The following DPYD variants were observed in gnomAD, a reference collection of about 807,000 sequenced individuals.
DPYD encodes dihydropyrimidine dehydrogenase [NADP(+)].
Under a neutral mutation model 116.2 loss-of-function variants are expected in DPYD, and 109 were observed. That is an observed-to-expected ratio of 0.94 (90% CI 0.80 to 1.10). The LOEUF is 1.10. Among genes scored for constraint, DPYD ranks in the 50% least tolerant of loss-of-function variants. The pLI is 0.00. For missense variants in DPYD, 1,302 were observed against 1,254.5 expected (o/e 1.04, Z -0.57); for synonymous variants, 440 against 432.0 (o/e 1.02, Z -0.23).
intron 18 of DPYD, among the ~76,000 whole-genome samples, chr1:97,288,818 G>T (rs146785664): frequency 0.36 from 53,953 of 150,538 alleles, 9,889 homozygotes; most frequent in East Asian, 0.45. Flanking sequence ...CTAGCAGAAG[G>T]CAAGAAATAA....
At chr1:97,869,627 T>TA (rs1181609325) in intron 2 of DPYD, among the ~76,000 whole-genome samples, 5 of 151,768 alleles carry the variant, frequency 3.3e-5, no homozygotes, top group African/African-American at 1.2e-4. Flanking sequence ...AACAATCCTT[T>TA]ATCACTGGAT....
intron 3 of DPYD, among the ~76,000 whole-genome samples, chr1:97,749,808 C>T (rs186940305): frequency 6.6e-6 from 1 of 152,170 alleles, no homozygotes; most frequent in East Asian, 1.9e-4. Context: ...ATATTCTAGA[C>T]AGCTGTTACA....
Position 97,416,531 on chromosome 1 carries a change from C to T in DPYD, c.1905+33528G>A, listed in dbSNP as rs1674300432. Among the ~76,000 whole-genome samples, 8 of 152,304 alleles carry T rather than the reference C, an allele frequency of 5.3e-5. No individual in the cohort carries two copies. The South Asian group carries it at 1.5e-3, about 28-fold the overall frequency. Reference sequence around the variant, plus strand: ...TAGTTCCAAGGTATACAGTGACATGCTTCCATCAGAAATGGATCCTAGAAT... The same window carrying T: ...TAGTTCCAAGGTATACAGTGACATGTTTCCATCAGAAATGGATCCTAGAAT... On this transcript the variant is annotated intron_variant, in intron 14 of 22. Transcript: ENST00000370192.
intron 13 of DPYD, among the ~76,000 whole-genome samples, chr1:97,469,041 G>C (rs950542445): frequency 6.6e-6 from 1 of 152,084 alleles, no homozygotes; most frequent in African/African-American, 2.4e-5. Context: ...ATCAGAGCTG[G>C]CTCTGTGATC....
chr1:97,483,636 T>C (rs1286463664), intron 13 of DPYD, among the ~76,000 whole-genome samples: 5 of 152,090 alleles, frequency 3.3e-5, no homozygotes, highest in Non-Finnish European at 5.9e-5. Context: ...CCTGCACATA[T>C]ATTCTGGACC....
intron 4 of DPYD, among the ~76,000 whole-genome samples, chr1:97,731,485 C>T (rs78686397): frequency 2.0e-5 from 3 of 151,996 alleles, no homozygotes; most frequent in Admixed American, 6.5e-5. Context: ...ACATTCAAGA[C>T]GTTAATAGCA....
chr1:97,594,986 T>C, intron 9 of DPYD, 73 bp downstream of exon 9: 1 of 1,247,664 alleles, frequency 8.0e-7, no homozygotes, highest in Non-Finnish European at 1.2e-6. Context: ...GCTGCTGAGC[T>C]TGATTTTGAT....
chr1:97,552,953 T>C (rs1462612014), intron 11 of DPYD, among the ~76,000 whole-genome samples: 2 of 152,004 alleles, frequency 1.3e-5, no homozygotes, highest in African/African-American at 2.4e-5. Flanking sequence ...CATCTGTATA[T>C]ATTTTAATAC....
chr1:97,478,320 A>T (rs1678102111), intron 13 of DPYD, among the ~76,000 whole-genome samples: 1 of 151,772 alleles, frequency 6.6e-6, no homozygotes, highest in Admixed American at 6.6e-5. Flanking sequence ...ATGGAGTCTT[A>T]CTCTGTTGCC....
chr1:97,857,237 G>A (rs1245236840), intron 2 of DPYD, among the ~76,000 whole-genome samples: 1 of 152,050 alleles, frequency 6.6e-6, no homozygotes, highest in Non-Finnish European at 1.5e-5. Context: ...CCTAAACATA[G>A]AAGTGAGTCA....
At chr1:97,101,098 C>CAAA (rs561009165) in intron 20 of DPYD, among the ~76,000 whole-genome samples, 1 of 143,756 alleles carries the variant, frequency 7.0e-6, no homozygotes, top group African/African-American at 2.5e-5. Flanking sequence ...TAATTGAAAG[C>CAAA]AAAAAAAAAA....
Position 97,078,784 on chromosome 1 carries a change from G to C in DPYD, c.*192C>G. ...TCAGAAAAGAATTATTCTATTTTAT[G>C]ACCACTAATTGAATGGTCATTGACA... On this transcript the variant is annotated 3_prime_UTR_variant, in exon 23 of 23. Coordinates refer to ENST00000370192, the MANE Select transcript of DPYD (RefSeq NM_000110.4). 3.2e-6 allele frequency: 2 copies of C among 625,604 alleles called. No individual in the cohort carries two copies. Among genetic ancestry groups the C allele is most frequent in the East Asian group, 5.9e-5 (2 of 34,092 alleles). 38.8% of individuals were successfully genotyped at this position (625,604 alleles called of 1,614,324 possible).
intron 20 of DPYD, among the ~76,000 whole-genome samples, chr1:97,184,968 A>G (rs1210337077): frequency 1.3e-5 from 2 of 152,156 alleles, no homozygotes; most frequent in African/African-American, 4.8e-5. Context: ...TCTTGATCTT[A>G]AGAGAAAATA....
At chr1:97,862,623 G>GTGCACAC (rs1396702237) in intron 2 of DPYD, among the ~76,000 whole-genome samples, 1 of 151,810 alleles carries the variant, frequency 6.6e-6, no homozygotes, top group Non-Finnish European at 1.5e-5. Flanking sequence ...TGTGCACACT[G>GTGCACAC]TGTGATATGA....
At chr1:97,725,566 C>G (rs1663205922) in intron 4 of DPYD, among the ~76,000 whole-genome samples, 1 of 151,474 alleles carries the variant, frequency 6.6e-6, no homozygotes, top group Non-Finnish European at 1.5e-5. Flanking sequence ...CTAACATAAT[C>G]AAGATAGTAT....
intron 12 of DPYD, among the ~76,000 whole-genome samples, chr1:97,543,215 G>A (rs982316276): frequency 2.6e-5 from 4 of 152,102 alleles, no homozygotes; most frequent in Admixed American, 6.6e-5. Context: ...GAAAGTGTTG[G>A]AACTGGATCT....
rs576744543 is a variant in DPYD at position 97,255,185 on chromosome 1, G to A, written c.2300-20191C>T. On this transcript the variant is annotated intron_variant, in intron 18 of 22. Coordinates refer to ENST00000370192, the MANE Select transcript of DPYD (RefSeq NM_000110.4). ...ATTAGAGAAGGCTCATGTAATCAAA[G>A]TCTTCAGGGAGCAAAGCTTCAGGGA... is the stretch of plus-strand genomic sequence containing the variant. 1.4e-4 allele frequency among the ~76,000 whole-genome samples: 22 copies of A among 152,250 alleles called. No individual in the cohort carries two copies. In the South Asian group the frequency reaches 3.7e-3, roughly 26 times the overall value.
chr1:97,830,792 C>T (rs1019481584), intron 2 of DPYD, among the ~76,000 whole-genome samples: 1 of 151,734 alleles, frequency 6.6e-6, no homozygotes, highest in Non-Finnish European at 1.5e-5. Flanking sequence ...CCACACTGAG[C>T]GCTCAGTGAT....
chr1:97,393,470 T>A (rs949229456), intron 14 of DPYD, among the ~76,000 whole-genome samples: 3 of 143,192 alleles, frequency 2.1e-5, no homozygotes, highest in South Asian at 2.5e-4. Context: ...CAGGCCCCGG[T>A]GTGTGATGTT....
Sources: gnomAD v4.1 joint callset for allele counts (sites outside exome capture counted in the v4.1 genomes callset) on GRCh38, gnomAD v4.1.1 for gene constraint, MANE v1.5 for transcripts, NCBI Gene and HGNC (gene_info 2026-07-23, HGNC 2026-07-21) for gene names.